The following OLFM3 variants were observed in gnomAD, a reference collection of about 807,000 sequenced individuals.
OLFM3 encodes noelin-3.
OLFM3 carries 20 observed loss-of-function variants against 48.6 expected under a neutral mutation model. The ratio of observed to expected loss-of-function variants is 0.41; its 90% CI spans 0.29 to 0.60. OLFM3 has a LOEUF of 0.60. Ranked by LOEUF, OLFM3 falls within the 20% of genes least tolerant of loss-of-function variation. The probability of loss-of-function intolerance (pLI) is 0.28; values close to 1 mark genes in which losing one functional copy is unlikely to be tolerated. For missense variants in OLFM3, 437 were observed against 544.3 expected, an observed-to-expected ratio of 0.80 and a Z score of 1.96; for synonymous variants, 222 against 198.1, an observed-to-expected ratio of 1.12 and a Z score of -1.01.
chr1:101,921,155 T>A (rs961028702), intron 1 of OLFM3, among the ~76,000 whole-genome samples: 7 of 151,782 alleles, frequency 4.6e-5, no homozygotes, highest in Non-Finnish European at 1.0e-4. Flanking sequence ...TAATTAGATA[T>A]ATAACAATTA....
chr1:101,884,377 G>A (rs1416019089), intron 1 of OLFM3, among the ~76,000 whole-genome samples: 1 of 151,906 alleles, frequency 6.6e-6, no homozygotes, highest in Non-Finnish European at 1.5e-5. Context: ...TGTTAACCAA[G>A]AGGCAGCAGA....
At chr1:101,888,624 G>T (rs1657866518) in intron 1 of OLFM3, among the ~76,000 whole-genome samples, 1 of 152,034 alleles carries the variant, frequency 6.6e-6, no homozygotes, top group Admixed American at 6.6e-5. Context: ...CAAAAGCAAT[G>T]GCAACAAAAG....
intron 1 of OLFM3, among the ~76,000 whole-genome samples, chr1:101,847,398 A>G (rs1227078159): frequency 6.6e-6 from 1 of 152,126 alleles, no homozygotes. Context: ...AGGTCTGCCA[A>G]AGTGCACATT....
intron 1 of OLFM3, among the ~76,000 whole-genome samples, chr1:101,936,097 G>A (rs922035134): frequency 1.2e-4 from 18 of 152,048 alleles, no homozygotes; most frequent in African/African-American, 4.3e-4. Flanking sequence ...CTCCTATACA[G>A]CATAGTACTG....
intron 1 of OLFM3, among the ~76,000 whole-genome samples, chr1:101,911,911 T>C (rs1658771764): frequency 6.6e-6 from 1 of 152,212 alleles, no homozygotes; most frequent in Non-Finnish European, 1.5e-5. Flanking sequence ...TTTAAGTAGG[T>C]AATTGTGAAA....
chr1:101,967,088 T>C (rs922764037), intron 1 of OLFM3, among the ~76,000 whole-genome samples: 2 of 152,184 alleles, frequency 1.3e-5, no homozygotes, highest in Admixed American at 6.5e-5. Context: ...AGGCTGTATA[T>C]TGACCTTCAC....
intron 4 of OLFM3, among the ~76,000 whole-genome samples, chr1:101,824,054 T>C (rs1654730065): frequency 6.6e-6 from 1 of 152,202 alleles, no homozygotes; most frequent in Non-Finnish European, 1.5e-5. Context: ...AATTTTATTT[T>C]AAATGTTTAC....
intron 1 of OLFM3, among the ~76,000 whole-genome samples, chr1:101,892,067 T>G (rs1218797914): frequency 1.3e-5 from 2 of 152,038 alleles, no homozygotes; most frequent in African/African-American, 4.8e-5. Context: ...AGTTCTTTAT[T>G]AGTTCAAGCT....
intron 1 of OLFM3, among the ~76,000 whole-genome samples, chr1:101,869,203 G>T (rs1263630214): frequency 6.6e-6 from 1 of 152,146 alleles, no homozygotes; most frequent in Non-Finnish European, 1.5e-5. Flanking sequence ...TGGGAAAACT[G>T]CAGGCACTCA....
chr1:101,989,834 A>C (rs978618713), intron 1 of OLFM3, among the ~76,000 whole-genome samples: 14 of 152,294 alleles, frequency 9.2e-5, no homozygotes, highest in African/African-American at 3.4e-4. Flanking sequence ...ATATTCCTAA[A>C]TGCGGTCTTT....
At position 101,967,590 on chromosome 1, in the gene OLFM3, GAAAAAA is replaced by G. The variant is rs71592233; in HGVS notation, c.69+29152_69+29157del. On this transcript the variant is annotated intron_variant, in intron 1 of 5. Transcript: ENST00000370103. ...CCTTTTTACTTCCATCCTAGTCAGT[GAAAAAA>G]AAAAAAAAAAAAAAAAAAGGAATAA... is the stretch of plus-strand genomic sequence containing the variant. Among the ~76,000 whole-genome samples the G allele has an allele frequency of 4.9e-4, 22 of 44,582 alleles. 1 individual carries two copies. Among genetic ancestry groups the G allele is most frequent in the African/African-American group, 6.5e-4 (6 of 9,242 alleles). The allele number at this position is 44,582 out of a possible 152,430, so 29.2% of individuals were successfully genotyped here.
intron 1 of OLFM3, among the ~76,000 whole-genome samples, chr1:101,883,826 A>C (rs999655648): frequency 6.6e-6 from 1 of 152,010 alleles, no homozygotes; most frequent in Non-Finnish European, 1.5e-5. Flanking sequence ...ACAGCTTCAG[A>C]GTTAAATACA....
intron 1 of OLFM3, among the ~76,000 whole-genome samples, chr1:101,960,603 A>C (rs1178666119): frequency 6.6e-6 from 1 of 152,098 alleles, no homozygotes; most frequent in Non-Finnish European, 1.5e-5. Flanking sequence ...CTAACAGAGT[A>C]CTCTTAGCCC....
intron 1 of OLFM3, among the ~76,000 whole-genome samples, chr1:101,925,615 C>A (rs1294537842): frequency 2.0e-5 from 3 of 152,052 alleles, no homozygotes; most frequent in Admixed American, 1.3e-4. Context: ...AGCTCCTGGG[C>A]TCAAGAAATT....
Position 101,825,256 on chromosome 1 carries a change from C to T in OLFM3, c.373-11G>A, listed in dbSNP as rs1654808697. Reference sequence around the variant, plus strand: ...TTTCTCTTTCAACTCCTGTGAAAAGCAGCCTATTGTTCCTGAGAGTCATTT... The same window carrying T: ...TTTCTCTTTCAACTCCTGTGAAAAGTAGCCTATTGTTCCTGAGAGTCATTT... On this transcript the variant is annotated splice_polypyrimidine_tract_variant and intron_variant, in intron 3 of 5. Coordinates refer to ENST00000370103, the MANE Select transcript of OLFM3 (RefSeq NM_058170.4). 6.2e-7 allele frequency: 1 copy of T among 1,608,228 alleles called. No homozygotes were observed. The highest frequency in any genetic ancestry group is 1.3e-5 in the African/African-American group (1 of 74,972).
chr1:101,819,882 C>A (rs1485497838), intron 4 of OLFM3, among the ~76,000 whole-genome samples: 1 of 151,938 alleles, frequency 6.6e-6, no homozygotes, highest in African/African-American at 2.4e-5. Flanking sequence ...AATGCCTAAC[C>A]CAGAGTTCTT....
intron 1 of OLFM3, among the ~76,000 whole-genome samples, chr1:101,970,672 C>T (rs532761924): frequency 6.6e-6 from 1 of 152,290 alleles, no homozygotes; most frequent in South Asian, 2.1e-4. Context: ...CAAACACAAA[C>T]ATAGTTAGGA....
At chr1:101,865,053 C>A (rs1229522707) in intron 1 of OLFM3, among the ~76,000 whole-genome samples, 2 of 152,280 alleles carry the variant, frequency 1.3e-5, no homozygotes, top group African/African-American at 2.4e-5. Context: ...GCTTCAATTT[C>A]TTGGCTCAGA....
chr1:101,833,677 T>A (rs997514826), intron 2 of OLFM3, among the ~76,000 whole-genome samples: 1 of 152,170 alleles, frequency 6.6e-6, no homozygotes, highest in African/African-American at 2.4e-5. Context: ...GGGGCTTTTC[T>A]GGACTTAAAC....
Sources: allele counts gnomAD v4.1 joint callset (sites outside exome capture counted in the v4.1 genomes callset), GRCh38; gene constraint gnomAD v4.1.1; transcripts MANE v1.5; gene names NCBI Gene and HGNC (gene_info 2026-07-23, HGNC 2026-07-21).